MYO3B: variants seen among roughly 807,000 people sequenced by gnomAD.
MYO3B encodes the protein myosin-IIIb.
In MYO3B, 156 loss-of-function variants were observed where a neutral mutation model predicts 174.6. The observed-to-expected ratio is 0.89, with a 90% CI of 0.78 to 1.02. MYO3B has a LOEUF of 1.02. Ranked by LOEUF, MYO3B falls within the 50% of genes least tolerant of loss-of-function variation. The pLI is 0.00. For synonymous variants in MYO3B, 563 were observed against 569.1 expected (o/e 0.99, Z 0.15); for missense variants, 1,632 against 1,639.4 (o/e 1.00, Z 0.08).
At chr2:170,229,536 A>G (rs1012616822) in intron 6 of MYO3B, among the ~76,000 whole-genome samples, 9 of 152,234 alleles carry the variant, frequency 5.9e-5, no homozygotes, top group Admixed American at 1.3e-4. Context: ...ATTAGTCTGA[A>G]TAATACCTGT....
At position 170,499,817 on chromosome 2, in the gene MYO3B, T is replaced by G; in HGVS notation, c.3289+9T>G. On this transcript the variant is annotated intron_variant, in intron 27 of 34. Coordinates refer to ENST00000408978, the MANE Select transcript of MYO3B (RefSeq NM_138995.5). Reference sequence around the variant, plus strand: ...CATTGCCATCCAGTCAGGTAAATGGTCCTGTTCTCATAAATACTGCCCTGG... The same window carrying G: ...CATTGCCATCCAGTCAGGTAAATGGGCCTGTTCTCATAAATACTGCCCTGG... The G allele has an allele frequency of 6.2e-7, 1 of 1,613,304 alleles. No individual in the cohort carries two copies. Among genetic ancestry groups the G allele is most frequent in the South Asian group, 1.1e-5 (1 of 91,022 alleles).
intron 22 of MYO3B, among the ~76,000 whole-genome samples, chr2:170,422,634 T>C (rs1225866065): frequency 6.6e-6 from 1 of 151,852 alleles, no homozygotes; most frequent in Admixed American, 6.6e-5. Context: ...GATTTTTGTA[T>C]TATTAGTAGA....
intron 32 of MYO3B, among the ~76,000 whole-genome samples, chr2:170,544,729 T>C (rs1690366006): frequency 6.6e-6 from 1 of 152,202 alleles, no homozygotes. Context: ...AAATGCATAA[T>C]AAATGTGTCA....
At chr2:170,479,159 C>A (rs1233291903) in intron 25 of MYO3B, among the ~76,000 whole-genome samples, 2 of 150,204 alleles carry the variant, frequency 1.3e-5, no homozygotes, top group East Asian at 3.9e-4. Flanking sequence ...TGGCACATGC[C>A]TGTAATCTCA....
intron 25 of MYO3B, among the ~76,000 whole-genome samples, chr2:170,494,061 C>T (rs1686682077): frequency 6.6e-6 from 1 of 152,200 alleles, no homozygotes; most frequent in Non-Finnish European, 1.5e-5. Context: ...TGATAAATAT[C>T]TGTTTTTAAG....
At chr2:170,343,987 C>T (rs1400785968) in intron 8 of MYO3B, 1 of 152,230 alleles carries the variant, frequency 6.6e-6, no homozygotes, top group African/African-American at 2.4e-5. Flanking sequence ...GGGAGTTAAG[C>T]CACATATGTA....
intron 32 of MYO3B, among the ~76,000 whole-genome samples, chr2:170,557,264 G>A (rs990333250): frequency 2.6e-5 from 4 of 151,516 alleles, no homozygotes; most frequent in Non-Finnish European, 5.9e-5. Flanking sequence ...CTCAGCTTCC[G>A]GAGTTGCTGG....
rs1412141238 is a variant in MYO3B, at chr2:170,466,584, C to T, written c.2887C>T (p.Arg963Ter). The T allele has an allele frequency of 6.8e-6, 11 of 1,614,062 alleles. No individual in the cohort carries two copies. The highest frequency in any genetic ancestry group is 6.7e-5 in the East Asian group (3 of 44,898). Reference sequence around the variant, plus strand: ...GCGCTGCATTAAACCCAATGATGACCGAGAGGCCCTGCAGTTCTCTCGAGA... The same window carrying T: ...GCGCTGCATTAAACCCAATGATGACTGAGAGGCCCTGCAGTTCTCTCGAGA... ...FVRCIKPNDDREALQFSRERV... is the reference protein window; with the variant it reads ...FVRCIKPNDD The change falls in exon 25 of 35, where the codon CGA becomes TGA. Residue 963 changes from arginine (R) to a stop codon, truncating the protein, a stop_gained. Transcript: ENST00000408978. LOFTEE classifies it high-confidence loss of function.
At chr2:170,551,413 C>T (rs1690896746) in intron 32 of MYO3B, among the ~76,000 whole-genome samples, 1 of 141,534 alleles carries the variant, frequency 7.1e-6, no homozygotes, top group South Asian at 2.3e-4. Flanking sequence ...CTCTGCCACA[C>T]AGGCTGGAGT....
At chr2:170,265,003 AT>A (rs1177684452) in intron 7 of MYO3B, among the ~76,000 whole-genome samples, 1 of 152,154 alleles carries the variant, frequency 6.6e-6, no homozygotes, top group Admixed American at 6.6e-5. Flanking sequence ...GTGAGAGGAG[AT>A]AATTGTTGAG....
Position 170,214,752 on chromosome 2 carries a change from C to A in MYO3B, c.450C>A (p.Asn150Lys). The A allele has an allele frequency of 6.2e-7, 1 of 1,614,094 alleles. No homozygotes were observed. The highest frequency in any genetic ancestry group is 1.1e-5 in the South Asian group (1 of 91,074). Residue 150 changes from asparagine to lysine, a missense_variant, in exon 5 of 35, where the codon AAC becomes AAA. Asn to Lys is a moderately conservative substitution (Grantham distance 94). Transcript: ENST00000408978. ...ALLGLQHLHN[N>K]RIIHRDVKGN... ...AGGGCCTTCAGCATTTGCACAACAA[C>A]CGAATCATCCACCGTGATGTGAAGG...
intron 32 of MYO3B, among the ~76,000 whole-genome samples, chr2:170,583,300 G>A (rs1693273495): frequency 6.6e-6 from 1 of 152,080 alleles, no homozygotes. Context: ...CTGCTGACAT[G>A]AGGCAGAGGC....
At chr2:170,329,107 G>A (rs763190303) in intron 7 of MYO3B, among the ~76,000 whole-genome samples, 8 of 151,274 alleles carry the variant, frequency 5.3e-5, no homozygotes, top group South Asian at 2.1e-4. Context: ...AGCCAAGATC[G>A]CTCCATTGCA....
At chr2:170,224,715 T>C (rs1411139758) in intron 6 of MYO3B, among the ~76,000 whole-genome samples, 1 of 152,140 alleles carries the variant, frequency 6.6e-6, no homozygotes, top group Non-Finnish European at 1.5e-5. Flanking sequence ...CATTTGCTTC[T>C]TTTCAGAAAA....
chr2:170,486,911 C>T (rs1285333604), intron 25 of MYO3B, among the ~76,000 whole-genome samples: 1 of 152,242 alleles, frequency 6.6e-6, no homozygotes, highest in Non-Finnish European at 1.5e-5. Context: ...CTGAACAAAT[C>T]ATTTCCCTTC....
chr2:170,279,851 T>TGGTG, intron 7 of MYO3B, among the ~76,000 whole-genome samples: 1 of 152,308 alleles, frequency 6.6e-6, no homozygotes, highest in East Asian at 1.9e-4. Context: ...CATGTTTTCT[T>TGGTG]TATCCAGTCT....
chr2:170,345,818 G>A (rs1043769318), intron 8 of MYO3B, among the ~76,000 whole-genome samples: 1 of 150,770 alleles, frequency 6.6e-6, no homozygotes, highest in African/African-American at 2.4e-5. Context: ...TTAAAATGGG[G>A]CAATGTGTAC....
chr2:170,583,392 C>G (rs761177479), intron 32 of MYO3B, among the ~76,000 whole-genome samples: 1 of 152,136 alleles, frequency 6.6e-6, no homozygotes, highest in African/African-American at 2.4e-5. Flanking sequence ...TTGCCTCCAC[C>G]GTTCCCTTGG....
intron 6 of MYO3B, 96 bp from the exon 7 acceptor site, chr2:170,235,895 A>G: frequency 6.7e-7 from 1 of 1,503,128 alleles, no homozygotes; most frequent in Non-Finnish European, 9.1e-7. Context: ...CGTGGCCAAG[A>G]AAACTGAGAA....
Sources: allele counts gnomAD v4.1 joint callset (sites outside exome capture counted in the v4.1 genomes callset), GRCh38; gene constraint gnomAD v4.1.1; transcripts MANE v1.5; gene names NCBI Gene and HGNC (gene_info 2026-07-23, HGNC 2026-07-21).